Variants in COL16A1 observed in about 807,000 individuals in gnomAD.
COL16A1 encodes collagen type XVI alpha 1 chain, also known as collagen alpha-1(XVI) chain.
In COL16A1, 189 loss-of-function variants were observed where a neutral mutation model predicts 266.3. That is an observed-to-expected ratio of 0.71 (90% CI 0.63 to 0.80). The LOEUF (loss-of-function observed/expected upper bound fraction) is 0.80, where lower values mean the gene tolerates loss of function less well. Ranked by LOEUF, COL16A1 falls within the 30% of genes least tolerant of loss-of-function variation. COL16A1 has a pLI of 0.00. For synonymous variants in COL16A1, 740 were observed against 782.3 expected, an observed-to-expected ratio of 0.95 and a Z score of 0.90; for missense variants, 1,928 against 2,122.4, an observed-to-expected ratio of 0.91 and a Z score of 1.80.
At chr1:31,692,943 C>T in intron 13 of COL16A1, 135 bp from the exon 14 acceptor site, 1 of 997,178 alleles carries the variant, frequency 1.0e-6, no homozygotes, top group Non-Finnish European at 1.5e-6. Context: ...ACCCAAACCC[C>T]TAGAAAGACC....
chr1:31,668,809 C>T lies in COL16A1; in HGVS notation c.3242G>A (p.Gly1081Glu), dbSNP rs1238501892. 1 of 1,613,830 alleles carries T rather than the reference C, an allele frequency of 6.2e-7. No homozygotes were observed. Among genetic ancestry groups the T allele is most frequent in the Non-Finnish European group, 8.5e-7 (1 of 1,179,986 alleles). Residue 1081 changes from glycine (G) to glutamate (E), a missense_variant, in exon 50 of 71, where the codon GGG (glycine) becomes GAG (glutamate). Gly to Glu is a moderately conservative substitution (Grantham distance 98). Coordinates refer to ENST00000373672, the MANE Select transcript of COL16A1 (RefSeq NM_001856.4). The surrounding 1 kb of genome is among the most constrained non-coding windows in gnomAD (Gnocchi z 5.8). ...RGLTGLTGDK[G>E]EPGPPGQPGY... is the part of the protein sequence containing the mutation. ...CTGCCAGCTTCTTCTTACCGGCTCC[C>T]CCTTGTCTCCAGTCAGGCCCGTGAG... is the stretch of plus-strand genomic sequence containing the variant.
chr1:31,694,110 G>C, intron 12 of COL16A1, 34 bp downstream of exon 12: 1 of 1,594,404 alleles, frequency 6.3e-7, no homozygotes, highest in Non-Finnish European at 8.6e-7. Flanking sequence ...ATGCTAAAGA[G>C]GACGGGAATG....
chr1:31,661,702 C>A lies in COL16A1; in HGVS notation c.3684G>T (p.Gly1228=). 6.3e-7 allele frequency: 1 copy of A among 1,596,758 alleles called. No homozygotes were observed. The highest frequency in any genetic ancestry group is 8.5e-7 in the Non-Finnish European group (1 of 1,175,594). The change falls in exon 59 of 71, where the codon GGG becomes GGT. Residue 1228 remains glycine (G), a splice_region_variant and synonymous_variant. Coordinates refer to ENST00000373672, the MANE Select transcript of COL16A1 (RefSeq NM_001856.4). ...DGKDGKPGLR[G]DPGPAGPPGL... ...CAGGGGGGCCAGCAGGACCAGGGTC[C>A]CCCTAGGGAAAGAGACGAGGAGGAT...
At chr1:31,702,807 T>A (rs1404076311) in intron 1 of COL16A1, among the ~76,000 whole-genome samples, 1 of 152,158 alleles carries the variant, frequency 6.6e-6, no homozygotes. Flanking sequence ...CAAGGAAGCT[T>A]TCCCCATAGG....
chr1:31,655,417 G>C lies in COL16A1; in HGVS notation c.4187C>G (p.Ser1396Cys). 6.2e-7 allele frequency: 1 copy of C among 1,613,988 alleles called. No homozygotes were observed. Among genetic ancestry groups the C allele is most frequent in the Non-Finnish European group, 8.5e-7 (1 of 1,179,984 alleles). ...GMPGGPGKSG[S>C]MGPVGPPGPA... is the part of the protein sequence containing the mutation. ...GCCCGGTGGCCCAACAGGCCCCATGGAACCACTCTTGCCAGGTCCACCAGG... is the reference window on the plus strand; with the variant it reads ...GCCCGGTGGCCCAACAGGCCCCATGCAACCACTCTTGCCAGGTCCACCAGG... Residue 1396 changes from serine to cysteine, a missense_variant, in exon 67 of 71, where the codon TCC becomes TGC. Physicochemically the swap from Ser to Cys is moderately radical, Grantham distance 112 (BLOSUM62 -1). Transcript: ENST00000373672.
intron 2 of COL16A1, among the ~76,000 whole-genome samples, chr1:31,701,876 T>C (rs1644736576): frequency 6.6e-6 from 1 of 152,056 alleles, no homozygotes; most frequent in Non-Finnish European, 1.5e-5. Flanking sequence ...AAAGCCAGTC[T>C]GAGAGACAAA....
rs150911351 is a variant in COL16A1, at chr1:31,663,027, C to A, written c.3556-369G>T. Reference sequence around the variant, plus strand: ...TATTCTACTCCATCAGACCCCCTGCCTCCTCCCCACCTACCTCCCTACCTT... The same window carrying A: ...TATTCTACTCCATCAGACCCCCTGCATCCTCCCCACCTACCTCCCTACCTT... On this transcript the variant is annotated intron_variant, in intron 56 of 70. Coordinates refer to ENST00000373672, the MANE Select transcript of COL16A1 (RefSeq NM_001856.4). This position sits in a 1 kb window ranked among gnomAD's most constrained non-coding sequence, Gnocchi z 4.9. The A allele has an allele frequency of 1.9e-3, 556 of 298,968 alleles. 3 individuals carry two copies. The highest frequency in any genetic ancestry group is 7.5e-3 in the African/African-American group (347 of 46,326). 18.5% of individuals were successfully genotyped at this position (298,968 alleles called of 1,614,324 possible). A position where few individuals can be genotyped will look rare whatever the true frequency, so the allele number is the denominator to read the frequency against.
At chr1:31,699,019 C>G in intron 4 of COL16A1, among the ~76,000 whole-genome samples, 1 of 152,106 alleles carries the variant, frequency 6.6e-6, no homozygotes, top group East Asian at 1.9e-4. Flanking sequence ...TGCTTGAACC[C>G]AGGAGGTGGA....
At chr1:31,675,061 G>A in intron 43 of COL16A1, 22 bp from the exon 44 acceptor site, 2 of 1,613,074 alleles carry the variant, frequency 1.2e-6, no homozygotes, top group Non-Finnish European at 1.7e-6. Context: ...AGATGTGTGG[G>A]CTCAAGCAGG....
At position 31,655,872 on chromosome 1, in the gene COL16A1, T is replaced by C. The variant is rs988934106; in HGVS notation, c.4102-370A>G. 19 of 311,042 alleles carry C rather than the reference T, an allele frequency of 6.1e-5. No homozygotes were observed. In the East Asian group the frequency reaches 1.6e-3, roughly 26 times the overall value. The allele number at this position is 311,042 out of a possible 1,614,324, so 19.3% of individuals were successfully genotyped here. ...ATTCTCTGATTCTGCCATGTTGTTA[T>C]GGTCCTGAATGCCCTTCCCCTCATC... On this transcript the variant is annotated intron_variant, in intron 66 of 70. Transcript: ENST00000373672.
intron 62 of COL16A1, 37 bp downstream of exon 62, chr1:31,660,548 C>G: frequency 1.2e-6 from 2 of 1,612,410 alleles, no homozygotes; most frequent in African/African-American, 2.7e-5. Context: ...AAAATGCTAA[C>G]TCTTATGGAG....
Position 31,665,246 on chromosome 1 carries a change from A to C in COL16A1, c.3493-12T>G. The stretch of plus-strand genomic sequence containing the variant: ...AATCCAGGGGGACCCTGTATCAACA[A>C]AGGGGCAGGCAGGAATGAAAGTGGG... On this transcript the variant is annotated splice_polypyrimidine_tract_variant and intron_variant, in intron 55 of 70. Coordinates refer to ENST00000373672, the MANE Select transcript of COL16A1 (RefSeq NM_001856.4). 3.8e-6 allele frequency: 6 copies of C among 1,589,806 alleles called. No individual in the cohort carries two copies. The highest frequency in any genetic ancestry group is 5.1e-6 in the Non-Finnish European group (6 of 1,173,710).
At chr1:31,679,395 G>A in intron 42 of COL16A1, 2 of 1,524,254 alleles carry the variant, frequency 1.3e-6, no homozygotes, top group Non-Finnish European at 1.8e-6. Context: ...GATTGTGGGT[G>A]CCTGACAGCT....
At chr1:31,667,500 C>T in intron 52 of COL16A1, 75 bp downstream of exon 52, 2 of 1,292,796 alleles carry the variant, frequency 1.5e-6, no homozygotes, top group Non-Finnish European at 1.1e-6. Context: ...TCACAGGCTG[C>T]TGCCAAGTCT....
intron 39 of COL16A1, 116 bp from the exon 40 acceptor site, chr1:31,680,217 T>C: frequency 6.9e-7 from 1 of 1,457,292 alleles, no homozygotes; most frequent in East Asian, 2.5e-5. Context: ...CAATCCAGGA[T>C]CTGCCTCTTC....
intron 1 of COL16A1, among the ~76,000 whole-genome samples, chr1:31,702,853 G>C (rs563111905): frequency 6.6e-6 from 1 of 152,228 alleles, no homozygotes; most frequent in East Asian, 1.9e-4. Flanking sequence ...TAGGGCTCAG[G>C]ACCTCATTGC....
intron 16 of COL16A1, 46 bp downstream of exon 16, chr1:31,692,428 C>A: frequency 6.3e-7 from 1 of 1,588,400 alleles, no homozygotes. Context: ...GCTGTAGAGC[C>A]TGCAGACCTC....
chr1:31,702,935 T>G (rs1644772725), intron 1 of COL16A1, among the ~76,000 whole-genome samples: 1 of 152,060 alleles, frequency 6.6e-6, no homozygotes, highest in Admixed American at 6.5e-5. Flanking sequence ...TGGGCCCAGA[T>G]AAATCGATGC....
Position 31,685,680 on chromosome 1 carries a change from C to A in COL16A1, c.1975G>T (p.Gly659Trp), listed in dbSNP as rs1643935063. The change falls in exon 29 of 71, where the codon GGG becomes TGG. Residue 659 changes from glycine to tryptophan, a missense_variant. Transcript: ENST00000373672. The surrounding 1 kb of genome is among the most constrained non-coding windows in gnomAD (Gnocchi z 4.0). ...VALPGPSGEK[G>W]EPGPPGFGLP... ...CCAAAGCCTGGAGGCCCAGGTTCCC[C>A]CTTCTCTCCGGATGGGCCAGGCAAG... 2 of 1,614,024 alleles carry A rather than the reference C, an allele frequency of 1.2e-6. No homozygotes were observed. The highest frequency in any genetic ancestry group is 3.3e-4 in the Middle Eastern group (2 of 6,060).
Sources: allele counts gnomAD v4.1 joint callset (sites outside exome capture counted in the v4.1 genomes callset), GRCh38; gene constraint gnomAD v4.1.1; non-coding constraint Gnocchi (gnomAD v3.1); transcripts MANE v1.5; gene names NCBI Gene and HGNC (gene_info 2026-07-23, HGNC 2026-07-21).